The following WSCD2 variants were observed in gnomAD, a reference collection of about 807,000 sequenced individuals.
WSCD2 encodes WSC domain sialate O sulfotransferase 2, also known as sialate:O-sulfotransferase 2.
A neutral mutation model predicts 55.7 loss-of-function variants in WSCD2; 28 were observed. That is an observed-to-expected ratio of 0.50 (90% CI 0.37 to 0.69). The LOEUF (loss-of-function observed/expected upper bound fraction) is 0.69, where lower values mean the gene tolerates loss of function less well. Among genes scored for constraint, WSCD2 ranks in the 30% least tolerant of loss-of-function variants. The pLI is 0.00. For missense variants in WSCD2, 616 were observed against 762.1 expected, an observed-to-expected ratio of 0.81 and a Z score of 2.26; for synonymous variants, 301 against 301.9, an observed-to-expected ratio of 1.00 and a Z score of 0.03.
intron 7 of WSCD2, among the ~76,000 whole-genome samples, chr12:108,234,470 T>C (rs1164836420): frequency 6.6e-6 from 1 of 152,218 alleles, no homozygotes; most frequent in Non-Finnish European, 1.5e-5. Context: ...CCTAGCTTTT[T>C]ATATATTTAT....
intron 1 of WSCD2, among the ~76,000 whole-genome samples, chr12:108,187,969 G>A (rs573545272): frequency 6.6e-6 from 1 of 152,292 alleles, no homozygotes; most frequent in South Asian, 2.1e-4. Flanking sequence ...TGCCCATGGA[G>A]CAAGAGGCAC....
chr12:108,233,016 C>T, intron 7 of WSCD2, 121 bp downstream of exon 7: 1 of 1,371,980 alleles, frequency 7.3e-7, no homozygotes, highest in Non-Finnish European at 9.7e-7. Context: ...CTCTCCCAGG[C>T]ACACTTTTTG....
At chr12:108,191,869 ACAT>A (rs1410032492) in intron 1 of WSCD2, among the ~76,000 whole-genome samples, 2 of 152,152 alleles carry the variant, frequency 1.3e-5, no homozygotes, top group African/African-American at 4.8e-5. Context: ...CACACGGTCC[ACAT>A]CCCTCCGGCA....
intron 1 of WSCD2, among the ~76,000 whole-genome samples, chr12:108,164,161 T>TTTTTTTTTTTTTTTTTG (rs1555224811): frequency 2.7e-5 from 4 of 146,086 alleles, no homozygotes; most frequent in East Asian, 2.0e-4. Flanking sequence ...TTTTTTTTTT[T>TTTTTTTTTTTTTTTTTG]TCAGAGAGGG....
At chr12:108,181,353 T>C (rs1205072845) in intron 1 of WSCD2, among the ~76,000 whole-genome samples, 1 of 152,154 alleles carries the variant, frequency 6.6e-6, no homozygotes, top group East Asian at 1.9e-4. Context: ...GACCTATTAA[T>C]GTTGGGGCTG....
chr12:108,135,203 C>A (rs145210853), intron 1 of WSCD2, among the ~76,000 whole-genome samples: 94 of 152,330 alleles, frequency 6.2e-4, no homozygotes, highest in Admixed American at 1.0e-3. Flanking sequence ...CATTCAGCAT[C>A]AGTATTTGCT....
rs898632841 is a variant in WSCD2, at chr12:108,249,333, C to G, written c.*990C>G. On this transcript the variant is annotated 3_prime_UTR_variant, in exon 9 of 9. Transcript: ENST00000547525. ...CCAAAATGGACCCCCACTACCTTCC[C>G]AGACCATATATCTCCCCTTGATCAT... The G allele has an allele frequency of 1.3e-5, 2 of 152,616 alleles. No individual in the cohort carries two copies. Among genetic ancestry groups the G allele is most frequent in the Non-Finnish European group, 2.9e-5 (2 of 68,074 alleles). 9.5% of individuals were successfully genotyped at this position (152,616 alleles called of 1,614,324 possible).
chr12:108,219,135 A>C (rs1248156047), intron 4 of WSCD2, among the ~76,000 whole-genome samples: 1 of 152,168 alleles, frequency 6.6e-6, no homozygotes, highest in East Asian at 1.9e-4. Flanking sequence ...CAGGCAACCC[A>C]GAGAGAGCCC....
chr12:108,240,534 G>T lies in WSCD2; in HGVS notation c.1335G>T (p.Trp445Cys). The T allele has an allele frequency of 7.3e-7, 1 of 1,370,746 alleles. No homozygotes were observed. The highest frequency in any genetic ancestry group is 9.7e-7 in the Non-Finnish European group (1 of 1,028,386). The allele number at this position is 1,370,746 out of a possible 1,614,324, so 84.9% of individuals were successfully genotyped here. Residue 445 changes from tryptophan to cysteine, a missense_variant, in exon 8 of 9, where the codon TGG (tryptophan) becomes TGT (cysteine). Physicochemically the swap from Trp to Cys is radical, Grantham distance 215 (BLOSUM62 -2). Transcript: ENST00000547525. ...GHIGFAAHAH[W>C]KGKEWPEFVR... Reference sequence around the variant, plus strand: ...TAGGCTTTGCTGCGCATGCCCACTGGAAGGGCAAAGGTACAGCTCGGGAGA... The same window carrying T: ...TAGGCTTTGCTGCGCATGCCCACTGTAAGGGCAAAGGTACAGCTCGGGAGA...
intron 7 of WSCD2, 133 bp from the exon 8 acceptor site, chr12:108,240,211 G>A: frequency 9.1e-7 from 1 of 1,099,026 alleles, no homozygotes. Flanking sequence ...GCACATAGTA[G>A]GTGCTCAATA....
chr12:108,151,173 C>T (rs902019942), intron 1 of WSCD2, among the ~76,000 whole-genome samples: 3 of 152,178 alleles, frequency 2.0e-5, no homozygotes, highest in African/African-American at 7.2e-5. Flanking sequence ...CTACTACAGG[C>T]TTTCTCATCC....
At chr12:108,131,423 A>T (rs1023809459) in intron 1 of WSCD2, among the ~76,000 whole-genome samples, 1 of 152,214 alleles carries the variant, frequency 6.6e-6, no homozygotes, top group Non-Finnish European at 1.5e-5. Flanking sequence ...TAGGTCTCAG[A>T]TCAGATCTAA....
At chr12:108,175,107 A>T (rs185243019) in intron 1 of WSCD2, among the ~76,000 whole-genome samples, 1 of 152,258 alleles carries the variant, frequency 6.6e-6, no homozygotes, top group East Asian at 1.9e-4. Flanking sequence ...ACAGGGCACA[A>T]TTCCTTCCCT....
chr12:108,141,739 G>C (rs1876837189), intron 1 of WSCD2, among the ~76,000 whole-genome samples: 2 of 152,198 alleles, frequency 1.3e-5, no homozygotes, highest in South Asian at 4.1e-4. Flanking sequence ...CATAGTCACA[G>C]GTTCCTGCTT....
intron 1 of WSCD2, among the ~76,000 whole-genome samples, chr12:108,134,802 C>G (rs1876002233): frequency 1.3e-5 from 2 of 152,080 alleles, no homozygotes; most frequent in South Asian, 4.2e-4. Flanking sequence ...AAGTGTTTAC[C>G]AGGTGCACAC....
intron 1 of WSCD2, among the ~76,000 whole-genome samples, chr12:108,136,458 G>A (rs974396893): frequency 1.3e-5 from 2 of 150,040 alleles, no homozygotes; most frequent in African/African-American, 4.9e-5. Context: ...ATGTTGGCCT[G>A]TGCTCCAAGG....
intron 1 of WSCD2, among the ~76,000 whole-genome samples, chr12:108,140,311 AAG>A (rs1876658031): frequency 6.6e-6 from 1 of 152,210 alleles, no homozygotes; most frequent in Non-Finnish European, 1.5e-5. Flanking sequence ...CAGGTTACAT[AAG>A]TGCCAGTTAG....
chr12:108,200,898 G>A (rs937834423), intron 2 of WSCD2, among the ~76,000 whole-genome samples: 4 of 152,078 alleles, frequency 2.6e-5, no homozygotes, highest in Non-Finnish European at 5.9e-5. Flanking sequence ...TTCCATCGCC[G>A]GTACAAGGAA....
At chr12:108,186,822 C>T (rs909187877) in intron 1 of WSCD2, among the ~76,000 whole-genome samples, 1 of 152,086 alleles carries the variant, frequency 6.6e-6, no homozygotes, top group Non-Finnish European at 1.5e-5. Context: ...TTTTGGTATA[C>T]CTAGCACCAT....
Sources: gnomAD v4.1 joint callset for allele counts (sites outside exome capture counted in the v4.1 genomes callset) on GRCh38, gnomAD v4.1.1 for gene constraint, MANE v1.5 for transcripts, NCBI Gene and HGNC (gene_info 2026-07-23, HGNC 2026-07-21) for gene names.